The following RAB22A variants were observed in gnomAD, a reference collection of about 807,000 sequenced individuals.
The protein encoded by RAB22A is ras-related protein Rab-22A.
RAB22A carries 13 observed loss-of-function variants against 30.2 expected under a neutral mutation model. The ratio of observed to expected loss-of-function variants is 0.43; its 90% confidence interval spans 0.28 to 0.68. The LOEUF is 0.68. Ranked by LOEUF, RAB22A falls within the 30% of genes least tolerant of loss-of-function variation. The pLI is 0.18. For synonymous variants in RAB22A, 89 were observed against 87.2 expected (o/e 1.02, Z -0.11); for missense variants, 177 against 246.8 (o/e 0.72, Z 1.89).
At chr20:58,320,444 C>T (rs1986431059) in intron 2 of RAB22A, among the ~76,000 whole-genome samples, 1 of 152,086 alleles carries the variant, frequency 6.6e-6, no homozygotes, top group Non-Finnish European at 1.5e-5. Flanking sequence ...GCAATACCCC[C>T]CTTCCATTTT....
chr20:58,334,398 A>G (rs1344184259), intron 2 of RAB22A, among the ~76,000 whole-genome samples: 1 of 152,094 alleles, frequency 6.6e-6, no homozygotes, highest in Non-Finnish European at 1.5e-5. Flanking sequence ...TGATCTATCC[A>G]AAGAAGATAG....
intron 2 of RAB22A, among the ~76,000 whole-genome samples, chr20:58,323,418 T>A (rs966138225): frequency 2.0e-5 from 3 of 152,080 alleles, no homozygotes; most frequent in African/African-American, 7.2e-5. Context: ...CACCTGGGAA[T>A]TAGTTTTTTT....
chr20:58,348,421 T>C (rs760028348), intron 3 of RAB22A, among the ~76,000 whole-genome samples: 37 of 152,282 alleles, frequency 2.4e-4, no homozygotes, highest in Non-Finnish European at 1.9e-4. Flanking sequence ...CAAGAACAAG[T>C]GTAGTGGCTT....
In RAB22A at chr20:58,359,760, GAGGGC is replaced by G; in HGVS notation, c.*58_*62del. ...AGTAGGTGGTCCTGAAAGTTAACAG[GAGGGC>G]TGGGGTCCCTGCCACCAGTTTTCAC... On this transcript the variant is annotated 3_prime_UTR_variant, in exon 7 of 7. Coordinates refer to ENST00000244040, the MANE Select transcript of RAB22A (RefSeq NM_020673.3). 1 of 1,478,386 alleles carries G rather than the reference GAGGGC, an allele frequency of 6.8e-7. No individual in the cohort carries two copies. The highest frequency in any genetic ancestry group is 1.4e-5 in the African/African-American group (1 of 71,810). 91.6% of individuals were successfully genotyped at this position (1,478,386 alleles called of 1,614,324 possible). A position where few individuals can be genotyped will look rare whatever the true frequency, so the allele number is the denominator to read the frequency against.
chr20:58,359,511 T>TAA, intron 6 of RAB22A, 95 bp from the exon 7 acceptor site: 1 of 687,904 alleles, frequency 1.5e-6, no homozygotes, highest in Non-Finnish European at 2.2e-6. Flanking sequence ...TTTTTTTTTT[T>TAA]TTACTTCAGT....
rs556577865 is a variant in RAB22A, at chr20:58,316,742, C to A, written c.116+5620C>A. ...GTGCCCACAGGTGGCCCATAGACAC[C>A]TAGGGACTGTCCATGTATGTCACTG... On this transcript the variant is annotated intron_variant, in intron 2 of 6. Coordinates refer to ENST00000244040, the MANE Select transcript of RAB22A (RefSeq NM_020673.3). 3.9e-5 allele frequency among the ~76,000 whole-genome samples: 6 copies of A among 152,312 alleles called. No homozygotes were observed. In the East Asian group the frequency reaches 1.2e-3, roughly 29 times the overall value.
chr20:58,321,290 G>A (rs1986454925), intron 2 of RAB22A, among the ~76,000 whole-genome samples: 1 of 152,122 alleles, frequency 6.6e-6, no homozygotes, highest in Admixed American at 6.6e-5. Context: ...CTTGAACCCA[G>A]GAGGTAGAGG....
At chr20:58,320,286 C>T (rs1986427217) in intron 2 of RAB22A, among the ~76,000 whole-genome samples, 1 of 152,174 alleles carries the variant, frequency 6.6e-6, no homozygotes, top group African/African-American at 2.4e-5. Context: ...ACTGTAAAGG[C>T]TTATTCAGGC....
At chr20:58,317,955 A>G (rs1986376750) in intron 2 of RAB22A, among the ~76,000 whole-genome samples, 1 of 152,190 alleles carries the variant, frequency 6.6e-6, no homozygotes, top group African/African-American at 2.4e-5. Flanking sequence ...TCCTAAGCTC[A>G]AGCGATCTTC....
intron 5 of RAB22A, among the ~76,000 whole-genome samples, chr20:58,353,891 GC>G (rs969176073): frequency 6.6e-6 from 1 of 152,142 alleles, no homozygotes; most frequent in African/African-American, 2.4e-5. Flanking sequence ...CAAAGCAAGG[GC>G]TTTTTGAAAA....
At chr20:58,317,556 CTT>C (rs35819954) in intron 2 of RAB22A, among the ~76,000 whole-genome samples, 50 of 124,908 alleles carry the variant, frequency 4.0e-4, no homozygotes, top group Non-Finnish European at 4.4e-4. Flanking sequence ...AGTTATTATT[CTT>C]TTTTTTTTTT....
chr20:58,330,972 C>CGGGA (rs1986652042), intron 2 of RAB22A, among the ~76,000 whole-genome samples: 1 of 152,148 alleles, frequency 6.6e-6, no homozygotes, highest in Non-Finnish European at 1.5e-5. Flanking sequence ...TAGAACATCC[C>CGGGA]CTCTCTATTT....
chr20:58,361,357 G>A lies in RAB22A; in HGVS notation c.*1654G>A, dbSNP rs1245421674. On this transcript the variant is annotated 3_prime_UTR_variant, in exon 7 of 7. Coordinates refer to ENST00000244040, the MANE Select transcript of RAB22A (RefSeq NM_020673.3). ...ATTTTAATGGGAAAATTATAATTCA[G>A]ATTAAATAAAAAACAATTCCCTTTT... 4 of 152,424 alleles carry A rather than the reference G, an allele frequency of 2.6e-5. No individual in the cohort carries two copies. The highest frequency in any genetic ancestry group is 2.6e-4 in the Admixed American group (4 of 15,284). 9.4% of individuals were successfully genotyped at this position (152,424 alleles called of 1,614,324 possible).
intron 2 of RAB22A, among the ~76,000 whole-genome samples, chr20:58,321,060 C>G (rs1161775131): frequency 6.6e-6 from 1 of 152,126 alleles, no homozygotes. Flanking sequence ...CGTGGTGGCA[C>G]ACGCCTGTAA....
At position 58,362,739 on chromosome 20, in the gene RAB22A, C is replaced by G. The variant is rs1568684541; in HGVS notation, c.*3036C>G. The stretch of plus-strand genomic sequence containing the variant: ...TGGTCAGAATAAGTTTTACACGAAG[C>G]AGGTGAAAGATTTAGTTCTTTTCAA... On this transcript the variant is annotated 3_prime_UTR_variant, in exon 7 of 7. Coordinates refer to ENST00000244040, the MANE Select transcript of RAB22A (RefSeq NM_020673.3). The G allele has an allele frequency of 6.6e-6, 1 of 152,214 alleles. No individual in the cohort carries two copies. Among genetic ancestry groups the G allele is most frequent in the Non-Finnish European group, 1.5e-5 (1 of 68,034 alleles). The allele number at this position is 152,214 out of a possible 1,614,324, so 9.4% of individuals were successfully genotyped here.
chr20:58,310,052 C>T, intron 1 of RAB22A, 40 bp downstream of exon 1: 1 of 1,259,878 alleles, frequency 7.9e-7, no homozygotes, highest in Non-Finnish European at 1.0e-6. Context: ...CCACGGGAGG[C>T]TGGGCTGGCG....
chr20:58,324,905 G>C (rs1396188512), intron 2 of RAB22A, among the ~76,000 whole-genome samples: 1 of 143,694 alleles, frequency 7.0e-6, no homozygotes, highest in Non-Finnish European at 1.5e-5. Context: ...GCCAGGCCCG[G>C]TGGCTCACAC....
At chr20:58,320,748 C>G (rs78238682) in intron 2 of RAB22A, among the ~76,000 whole-genome samples, 4,407 of 152,186 alleles carry the variant, frequency 0.029, 216 homozygotes, top group African/African-American at 0.1. Context: ...TTTCAAGTAT[C>G]GATTTCTAGC....
intron 2 of RAB22A, among the ~76,000 whole-genome samples, chr20:58,317,048 A>G (rs1159274076): frequency 6.6e-6 from 1 of 152,162 alleles, no homozygotes; most frequent in African/African-American, 2.4e-5. Flanking sequence ...GACTTTGATT[A>G]GATCACAGCT....
Sources: gnomAD v4.1 joint callset for allele counts (sites outside exome capture counted in the v4.1 genomes callset) on GRCh38, gnomAD v4.1.1 for gene constraint, MANE v1.5 for transcripts, NCBI Gene and HGNC (gene_info 2026-07-23, HGNC 2026-07-21) for gene names.